Variants in XIRP2 observed in about 807,000 individuals in gnomAD.
XIRP2 encodes the protein xin actin binding repeat containing 2.
In XIRP2, 236 loss-of-function variants were observed where a neutral mutation model predicts 277.0. That is an observed-to-expected ratio of 0.85 (90% confidence interval 0.77 to 0.95). The LOEUF (loss-of-function observed/expected upper bound fraction) is 0.95, where lower values mean the gene tolerates loss of function less well. Ranked by LOEUF, XIRP2 falls within the 40% of genes least tolerant of loss-of-function variation. XIRP2 has a pLI of 0.00. For synonymous variants in XIRP2, 1,490 were observed against 1,416.5 expected, an observed-to-expected ratio of 1.05 and a Z score of -1.17; for missense variants, 4,640 against 4,157.5, an observed-to-expected ratio of 1.12 and a Z score of -3.19.
At chr2:166,996,504 G>A (rs1687223158) in intron 2 of XIRP2, among the ~76,000 whole-genome samples, 1 of 152,126 alleles carries the variant, frequency 6.6e-6, no homozygotes, top group Non-Finnish European at 1.5e-5. Context: ...ATGCACGCCT[G>A]TAATCTCAGC....
At chr2:167,175,765 C>G (rs1307637462) in intron 3 of XIRP2, among the ~76,000 whole-genome samples, 1 of 152,146 alleles carries the variant, frequency 6.6e-6, no homozygotes, top group East Asian at 1.9e-4. Context: ...GGTGCTCTGT[C>G]CCAGGGAGTT....
At chr2:167,030,992 A>G (rs1206275975) in intron 2 of XIRP2, among the ~76,000 whole-genome samples, 1 of 147,574 alleles carries the variant, frequency 6.8e-6, no homozygotes, top group African/African-American at 2.5e-5. Context: ...AGTCTGTTTT[A>G]TCAGAGATTA....
intron 2 of XIRP2, among the ~76,000 whole-genome samples, chr2:167,079,952 GT>G (rs1436375898): frequency 6.6e-6 from 1 of 150,464 alleles, no homozygotes; most frequent in Non-Finnish European, 1.5e-5. Flanking sequence ...TGTTATTGTT[GT>G]TTTTCCACTA....
intron 2 of XIRP2, among the ~76,000 whole-genome samples, chr2:167,043,216 C>T (rs1688706371): frequency 6.6e-6 from 1 of 151,918 alleles, no homozygotes; most frequent in Non-Finnish European, 1.5e-5. Flanking sequence ...TGCTAAATGC[C>T]TACATCAAAA....
In XIRP2 at chr2:167,251,258, G is replaced by T. The variant is rs2105449139; in HGVS notation, c.9866G>T (p.Ser3289Ile). Reference protein sequence around the residue: ...STDHMVPDTESYDAVEIIRKV... With the variant: ...STDHMVPDTEIYDAVEIIRKV... Reference sequence around the variant, plus strand: ...GATCACATGGTGCCCGACACTGAAAGTTATGATGCAGTTGAAATCATCCGC... The same window carrying T: ...GATCACATGGTGCCCGACACTGAAATTTATGATGCAGTTGAAATCATCCGC... Residue 3289 changes from serine to isoleucine, a missense_variant, in exon 9 of 11, where the codon AGT becomes ATT. Ser to Ile is a moderately radical substitution (Grantham distance 142). Transcript: ENST00000409195. The T allele has an allele frequency of 1.2e-6, 2 of 1,613,616 alleles. No homozygotes were observed. Among genetic ancestry groups the T allele is most frequent in the African/African-American group, 1.3e-5 (1 of 74,990 alleles).
At chr2:167,167,324 A>G (rs969593702) in intron 3 of XIRP2, among the ~76,000 whole-genome samples, 6 of 152,142 alleles carry the variant, frequency 3.9e-5, no homozygotes, top group African/African-American at 1.4e-4. Flanking sequence ...TAGACCACTG[A>G]CATTCAAAGT....
At chr2:167,078,401 C>A (rs1200936794) in intron 2 of XIRP2, among the ~76,000 whole-genome samples, 1 of 152,178 alleles carries the variant, frequency 6.6e-6, no homozygotes, top group Non-Finnish European at 1.5e-5. Context: ...AATTTAGAAT[C>A]ATATTGTCAA....
chr2:167,126,048 A>G (rs1691192682), intron 2 of XIRP2, among the ~76,000 whole-genome samples: 1 of 152,142 alleles, frequency 6.6e-6, no homozygotes, highest in African/African-American at 2.4e-5. Flanking sequence ...GAGCTTCTCA[A>G]TACGTGGTGA....
chr2:167,156,344 G>T (rs1025012277), intron 3 of XIRP2, among the ~76,000 whole-genome samples: 5 of 152,148 alleles, frequency 3.3e-5, no homozygotes, highest in African/African-American at 4.8e-5. Flanking sequence ...TAGGCATGTT[G>T]TGGGCATTAC....
At chr2:167,010,193 A>C (rs1333023627) in intron 2 of XIRP2, among the ~76,000 whole-genome samples, 3 of 152,166 alleles carry the variant, frequency 2.0e-5, no homozygotes, top group African/African-American at 7.2e-5. Context: ...TAGGGTATTT[A>C]TGGTTGTAGG....
At chr2:167,191,267 A>C (rs1298386547) in intron 3 of XIRP2, among the ~76,000 whole-genome samples, 1 of 152,138 alleles carries the variant, frequency 6.6e-6, no homozygotes, top group African/African-American at 2.4e-5. Context: ...AGACCTCAGT[A>C]ACTAGTTCAT....
chr2:167,062,349 T>G (rs888719789), intron 2 of XIRP2, among the ~76,000 whole-genome samples: 1 of 152,322 alleles, frequency 6.6e-6, no homozygotes, highest in South Asian at 2.1e-4. Context: ...ATTAAATTCA[T>G]TTAGCATCTG....
chr2:167,251,067 T>G lies in XIRP2; in HGVS notation c.9675T>G (p.Ile3225Met). ...CTCCTGCAACACTTCGTCGTCAAAT[T>G]AAGATAGAAACTCGTGGTAGGGACT... ...IMSPATLRRQIKIETRGRDSP... is the reference protein window; with the variant it reads ...IMSPATLRRQMKIETRGRDSP... The change falls in exon 9 of 11, where the codon ATT becomes ATG. Residue 3225 changes from isoleucine (I) to methionine (M), a missense_variant. Physicochemically the swap from Ile to Met is conservative, Grantham distance 10 (BLOSUM62 1). Coordinates refer to ENST00000409195, the MANE Select transcript of XIRP2 (RefSeq NM_152381.6). 6.2e-7 allele frequency: 1 copy of G among 1,613,600 alleles called. No individual in the cohort carries two copies. The highest frequency in any genetic ancestry group is 2.2e-5 in the East Asian group (1 of 44,822).
At chr2:167,221,581 A>G (rs1352962625) in intron 5 of XIRP2, among the ~76,000 whole-genome samples, 1 of 152,064 alleles carries the variant, frequency 6.6e-6, no homozygotes, top group African/African-American at 2.4e-5. Context: ...AGCAGGGAAA[A>G]TGTAGAAAAA....
chr2:167,134,914 A>G (rs1349590426), intron 2 of XIRP2, among the ~76,000 whole-genome samples: 1 of 152,166 alleles, frequency 6.6e-6, no homozygotes, highest in African/African-American at 2.4e-5. Context: ...CGTCCTGGGC[A>G]GATGGAGTGA....
At chr2:166,969,775 G>T (rs965787448) in intron 2 of XIRP2, among the ~76,000 whole-genome samples, 2 of 151,526 alleles carry the variant, frequency 1.3e-5, no homozygotes, top group African/African-American at 4.8e-5. Flanking sequence ...AGTATAAACT[G>T]ATGCCAGAAA....
At chr2:167,237,385 C>A (rs952463546) in intron 5 of XIRP2, among the ~76,000 whole-genome samples, 1 of 151,922 alleles carries the variant, frequency 6.6e-6, no homozygotes, top group Non-Finnish European at 1.5e-5. Flanking sequence ...AGATTGGTGG[C>A]AGGTATCTGA....
intron 2 of XIRP2, among the ~76,000 whole-genome samples, chr2:166,938,309 G>C (rs1262884803): frequency 6.6e-6 from 1 of 152,042 alleles, no homozygotes; most frequent in Non-Finnish European, 1.5e-5. Context: ...TGTTCTTGTT[G>C]GTTTCAAAGA....
chr2:167,221,913 G>A (rs1371288239), intron 5 of XIRP2, among the ~76,000 whole-genome samples: 1 of 152,148 alleles, frequency 6.6e-6, no homozygotes, highest in Non-Finnish European at 1.5e-5. Flanking sequence ...AATATTTAAT[G>A]CCACAATTAG....
Sources: gnomAD v4.1 joint callset for allele counts (sites outside exome capture counted in the v4.1 genomes callset) on GRCh38, gnomAD v4.1.1 for gene constraint, MANE v1.5 for transcripts, NCBI Gene and HGNC (gene_info 2026-07-23, HGNC 2026-07-21) for gene names.